Variants in CNOT2 observed in about 807,000 individuals in gnomAD.
CNOT2 encodes the protein CCR4-NOT transcription complex subunit 2.
A neutral mutation model predicts 72.1 loss-of-function variants in CNOT2; 7 were observed. The ratio of observed to expected loss-of-function variants is 0.10; its 90% CI spans 0.06 to 0.18. CNOT2 has a LOEUF of 0.18. Ranked by LOEUF, CNOT2 falls within the 10% of genes least tolerant of loss-of-function variation. CNOT2 has a pLI of 1.00. For synonymous variants in CNOT2, 196 were observed against 225.6 expected, an observed-to-expected ratio of 0.87 and a Z score of 1.17; for missense variants, 345 against 660.3, an observed-to-expected ratio of 0.52 and a Z score of 5.23.
intron 7 of CNOT2, among the ~76,000 whole-genome samples, chr12:70,333,713 G>A (rs1880276556): frequency 6.6e-6 from 1 of 151,964 alleles, no homozygotes; most frequent in Admixed American, 6.6e-5. Flanking sequence ...ATGCTCAGCA[G>A]CATAGATTAA....
intron 1 of CNOT2, among the ~76,000 whole-genome samples, chr12:70,275,464 C>T (rs959301208): frequency 1.3e-5 from 2 of 152,066 alleles, no homozygotes; most frequent in Non-Finnish European, 2.9e-5. Context: ...AAACTACAGG[C>T]AGTGAGCTGG....
At chr12:70,243,107 G>A (rs1312414187), upstream of CNOT2, 1 of 152,244 alleles carries the variant, frequency 6.6e-6, no homozygotes, top group African/African-American at 2.4e-5. Context: ...TCGGACTCAG[G>A]GCCAGAGCCT....
At chr12:70,293,153 T>G (rs1447303608) in intron 2 of CNOT2, among the ~76,000 whole-genome samples, 1 of 148,288 alleles carries the variant, frequency 6.7e-6, no homozygotes, top group East Asian at 2.0e-4. Flanking sequence ...AGTGAATTGA[T>G]TTCATATCTT....
At chr12:70,353,721 T>A (rs890744710) in intron 15 of CNOT2, 108 bp from the exon 16 acceptor site, 2 of 1,490,122 alleles carry the variant, frequency 1.3e-6, no homozygotes, top group African/African-American at 2.9e-5. Context: ...TGTGTTGATG[T>A]TGATTCATAT....
intron 3 of CNOT2, among the ~76,000 whole-genome samples, chr12:70,313,032 C>T (rs373161434): frequency 1.3e-5 from 2 of 151,980 alleles, no homozygotes; most frequent in South Asian, 4.1e-4. Flanking sequence ...CCAGTTTTTA[C>T]TGTAATCACC....
At chr12:70,246,155 A>G (rs1957867298) in intron 1 of CNOT2, among the ~76,000 whole-genome samples, 1 of 152,212 alleles carries the variant, frequency 6.6e-6, no homozygotes, top group Non-Finnish European at 1.5e-5. Flanking sequence ...GACCAATGAA[A>G]AGAACTTAGC....
chr12:70,295,056 G>T (rs1249080462), intron 2 of CNOT2, among the ~76,000 whole-genome samples: 1 of 152,168 alleles, frequency 6.6e-6, no homozygotes, highest in Non-Finnish European at 1.5e-5. Flanking sequence ...TTGTAGGGAT[G>T]TAGCTCTGGG....
chr12:70,322,330 A>G lies in CNOT2; in HGVS notation c.238+2966A>G, dbSNP rs201398276. 9 of 151,840 alleles carry G rather than the reference A, an allele frequency of 5.9e-5. No homozygotes were observed. In the East Asian group the frequency reaches 1.7e-3, roughly 29 times the overall value. 9.4% of individuals were successfully genotyped at this position (151,840 alleles called of 1,614,324 possible). ...GTACACCTTATAAGCTTCAAGACCCATGAGCTCCCTTAAGCTGTCTCCTAG... is the reference window on the plus strand; with the variant it reads ...GTACACCTTATAAGCTTCAAGACCCGTGAGCTCCCTTAAGCTGTCTCCTAG... On this transcript the variant is annotated intron_variant, in intron 4 of 15. Transcript: ENST00000229195.
At chr12:70,335,367 A>G in intron 7 of CNOT2, 71 bp from the exon 8 acceptor site, 3 of 1,133,918 alleles carry the variant, frequency 2.6e-6, no homozygotes, top group Non-Finnish European at 4.0e-6. Flanking sequence ...GAATTATATT[A>G]TGGTTGGTTT....
At chr12:70,338,602 T>C in intron 10 of CNOT2, 39 bp downstream of exon 10, 1 of 1,598,530 alleles carries the variant, frequency 6.3e-7, no homozygotes, top group Non-Finnish European at 8.5e-7. Flanking sequence ...TATTATAGAA[T>C]GCTTTTTTTT....
intron 11 of CNOT2, among the ~76,000 whole-genome samples, chr12:70,340,306 T>G (rs1377541321): frequency 6.6e-6 from 1 of 152,224 alleles, no homozygotes; most frequent in Non-Finnish European, 1.5e-5. Context: ...TCATCTTCAC[T>G]GGTTGGTCTT....
chr12:70,307,500 A>G (rs1332124085), intron 2 of CNOT2, among the ~76,000 whole-genome samples: 1 of 152,128 alleles, frequency 6.6e-6, no homozygotes, highest in Non-Finnish European at 1.5e-5. Flanking sequence ...ATCTTACGGG[A>G]CCACCGTTGT....
chr12:70,282,640 G>A (rs978252749), intron 2 of CNOT2, among the ~76,000 whole-genome samples: 2 of 152,106 alleles, frequency 1.3e-5, no homozygotes, highest in Non-Finnish European at 1.5e-5. Flanking sequence ...TAACAAATGT[G>A]TATTTTTCTG....
chr12:70,300,681 T>G (rs899844993), intron 2 of CNOT2, among the ~76,000 whole-genome samples: 1 of 152,226 alleles, frequency 6.6e-6, no homozygotes, highest in Non-Finnish European at 1.5e-5. Flanking sequence ...TCTTTTGGCT[T>G]AGGATTGACT....
rs183298911 is a variant in CNOT2 at position 70,286,209 on chromosome 12, A to G, written c.48+7935A>G. ...TATTCTAAAACTTCAGGAAGATTAC[A>G]TTCCTAAGAGGTCTTCTAGGAATGT... On this transcript the variant is annotated intron_variant, in intron 2 of 15. Transcript: ENST00000229195. Among the ~76,000 whole-genome samples the G allele has an allele frequency of 9.9e-4, 148 of 149,406 alleles. 6 individuals are homozygous for G. Among genetic ancestry groups the G allele is most frequent in the Admixed American group, 7.2e-3 (104 of 14,462 alleles).
At chr12:70,304,642 G>T (rs575403432) in intron 2 of CNOT2, among the ~76,000 whole-genome samples, 1 of 152,250 alleles carries the variant, frequency 6.6e-6, no homozygotes, top group African/African-American at 2.4e-5. Flanking sequence ...TGTGGAGGCA[G>T]TCTGCCCGTT....
chr12:70,345,519 A>T (rs1043976978), intron 14 of CNOT2: 1 of 152,172 alleles, frequency 6.6e-6, no homozygotes, highest in Non-Finnish European at 1.5e-5. Context: ...GCATTTCTTT[A>T]CATGGAGGTT....
At chr12:70,303,354 C>T (rs1419375729) in intron 2 of CNOT2, among the ~76,000 whole-genome samples, 7 of 152,162 alleles carry the variant, frequency 4.6e-5, no homozygotes, top group African/African-American at 7.2e-5. Flanking sequence ...GTGGCTGGTA[C>T]CGGTTGTTCC....
chr12:70,310,004 T>G (rs922541290), intron 2 of CNOT2, among the ~76,000 whole-genome samples: 3 of 152,088 alleles, frequency 2.0e-5, no homozygotes, highest in Non-Finnish European at 4.4e-5. Context: ...CAGACTGTTT[T>G]TTCTTGTAAT....
Sources: gnomAD v4.1 joint callset for allele counts (sites outside exome capture counted in the v4.1 genomes callset) on GRCh38, gnomAD v4.1.1 for gene constraint, MANE v1.5 for transcripts, NCBI Gene and HGNC (gene_info 2026-07-23, HGNC 2026-07-21) for gene names.